TEKT5: variants seen among roughly 807,000 people sequenced by gnomAD.
The protein encoded by TEKT5 is tektin-5.
A neutral mutation model predicts 48.7 loss-of-function variants in TEKT5; 52 were observed. The observed-to-expected ratio is 1.07, with a 90% CI of 0.86 to 1.35. The LOEUF (loss-of-function observed/expected upper bound fraction) is 1.35, where lower values mean the gene tolerates loss of function less well. Ranked by LOEUF, TEKT5 falls within the 40% of genes most tolerant of loss-of-function variation. TEKT5 has a pLI of 0.00. For missense variants in TEKT5, 831 were observed against 641.6 expected (o/e 1.30, Z -3.19); for synonymous variants, 318 against 267.6 (o/e 1.19, Z -1.84).
chr16:10,636,449 T>C (rs1475018663), intron 5 of TEKT5, among the ~76,000 whole-genome samples: 1 of 151,670 alleles, frequency 6.6e-6, no homozygotes, highest in Non-Finnish European at 1.5e-5. Context: ...ACTGTGGACA[T>C]GGAAGACGGG....
intron 5 of TEKT5, among the ~76,000 whole-genome samples, chr16:10,649,473 AC>A (rs1161331589): frequency 1.4e-5 from 2 of 147,046 alleles, no homozygotes; most frequent in African/African-American, 5.0e-5. Context: ...GTTCTCTGTC[AC>A]CCAGGCTGGA....
chr16:10,650,883 T>TA (rs546133425), intron 5 of TEKT5, among the ~76,000 whole-genome samples: 36,727 of 130,542 alleles, frequency 0.28, 5,316 homozygotes, highest in East Asian at 0.5. Context: ...AGACTCCATC[T>TA]AAAAAAAAAA....
intron 5 of TEKT5, among the ~76,000 whole-genome samples, chr16:10,661,281 A>C (rs1898366116): frequency 6.6e-6 from 1 of 152,130 alleles, no homozygotes; most frequent in South Asian, 2.1e-4. Context: ...CATCTCATGT[A>C]AGTCTGCTGC....
rs200908743 is a variant in TEKT5 at position 10,682,025 on chromosome 16, G to C, written c.831C>G (p.Ser277Arg). 1.2e-6 allele frequency: 2 copies of C among 1,614,044 alleles called. No individual in the cohort carries two copies. Among genetic ancestry groups the C allele is most frequent in the Admixed American group, 3.3e-5 (2 of 60,008 alleles). ...FNLRNTSDCISFFHGMEKIDG... is the reference protein window; with the variant it reads ...FNLRNTSDCIRFFHGMEKIDG... ...CAATTTTCTCCATGCCGTGGAAGAA[G>C]CTGATGCAGTCTGACGTATTTCTCA... The change falls in exon 4 of 7, where the codon AGC becomes AGG. Residue 277 changes from serine to arginine, a missense_variant. Transcript: ENST00000283025.
At position 10,635,774 on chromosome 16, in the gene TEKT5, G is replaced by A; in HGVS notation, c.1231C>T (p.Pro411Ser). 3.1e-6 allele frequency: 5 copies of A among 1,612,298 alleles called. No individual in the cohort carries two copies. The highest frequency in any genetic ancestry group is 3.4e-6 in the Non-Finnish European group (4 of 1,178,724). The change falls in exon 6 of 7, where the codon CCG becomes TCG. Residue 411 changes from proline to serine, a missense_variant. Physicochemically the swap from Pro to Ser is moderately conservative, Grantham distance 74. Transcript: ENST00000283025. ...RPNMELCRDI[P>S]QLKLVNEVFT... ...GCCTCCCTCACTTACTTCAACTGCG[G>A]GATGTCCCTGCACAGCTCCATGTTG... is the stretch of plus-strand genomic sequence containing the variant.
At chr16:10,658,469 T>A (rs1373240863) in intron 5 of TEKT5, among the ~76,000 whole-genome samples, 4 of 152,136 alleles carry the variant, frequency 2.6e-5, no homozygotes, top group Non-Finnish European at 4.4e-5. Context: ...AATACTATAT[T>A]GAGTAGAAGC....
In TEKT5 at chr16:10,627,721, C is replaced by A. The variant is rs1897773492; in HGVS notation, c.1320G>T (p.Leu440=). ...KLRLRETQDT[L]QLLVMTKCRL... ...GGCACTTGGTCATGACCAGCAGCTG[C>A]AGCGTGTCCTGTGTCTCCCGCAGCC... The change falls in exon 7 of 7, where the codon CTG becomes CTT. Residue 440 remains leucine, a synonymous_variant. Transcript: ENST00000283025. The A allele has an allele frequency of 1.9e-6, 3 of 1,614,180 alleles. No homozygotes were observed. In the African/African-American group the frequency reaches 4.0e-5, roughly 22 times the overall value.
chr16:10,658,820 C>T (rs527734410), intron 5 of TEKT5, among the ~76,000 whole-genome samples: 2 of 152,030 alleles, frequency 1.3e-5, no homozygotes, highest in Non-Finnish European at 2.9e-5. Flanking sequence ...TGGGTTCAAG[C>T]AATTCTCGTA....
intron 3 of TEKT5, among the ~76,000 whole-genome samples, chr16:10,685,720 A>C: frequency 1.4e-5 from 2 of 148,120 alleles, no homozygotes; most frequent in African/African-American, 2.5e-5. Context: ...CTGTCTCCCT[A>C]CTCCCCACCC....
At chr16:10,638,430 C>T (rs1178085947) in intron 5 of TEKT5, among the ~76,000 whole-genome samples, 2 of 151,244 alleles carry the variant, frequency 1.3e-5, no homozygotes, top group Non-Finnish European at 2.9e-5. Flanking sequence ...CTTGACACCC[C>T]TTCCCAGACT....
intron 5 of TEKT5, among the ~76,000 whole-genome samples, chr16:10,661,813 C>T (rs998463841): frequency 2.6e-5 from 4 of 152,120 alleles, no homozygotes; most frequent in Non-Finnish European, 1.5e-5. Context: ...ATCACCAAAC[C>T]TCTGTGAGCC....
chr16:10,692,662 G>A (rs905173733), intron 1 of TEKT5: 3 of 152,306 alleles, frequency 2.0e-5, no homozygotes, highest in Non-Finnish European at 4.4e-5. Flanking sequence ...GGAGACACAC[G>A]ACGGACCTTC....
intron 5 of TEKT5, among the ~76,000 whole-genome samples, chr16:10,656,759 G>C (rs1159879027): frequency 6.6e-6 from 1 of 152,116 alleles, no homozygotes; most frequent in Non-Finnish European, 1.5e-5. Flanking sequence ...TTTTGTTTTT[G>C]AAACAGGGTC....
In TEKT5 at chr16:10,642,833, G is replaced by A. The variant is rs572233552; in HGVS notation, c.1087-6915C>T. Reference sequence around the variant, plus strand: ...AACAGAGGATACTACAGGCTGGGAAGGGGAAGGGAAAGGGTGGGGGATAGA... The same window carrying A: ...AACAGAGGATACTACAGGCTGGGAAAGGGAAGGGAAAGGGTGGGGGATAGA... On this transcript the variant is annotated intron_variant, in intron 5 of 6. Transcript: ENST00000283025. Among the ~76,000 whole-genome samples the A allele has an allele frequency of 9.2e-5, 14 of 152,262 alleles. No individual in the cohort carries two copies. The South Asian group carries it at 1.9e-3, about 20-fold the overall frequency.
chr16:10,669,113 C>T (rs1379615623), intron 5 of TEKT5, among the ~76,000 whole-genome samples: 1 of 152,140 alleles, frequency 6.6e-6, no homozygotes, highest in African/African-American at 2.4e-5. Flanking sequence ...AATATGTGTA[C>T]ATGAGTGTTC....
Position 10,668,965 on chromosome 16 carries a change from A to G in TEKT5, c.1086+6994T>C, listed in dbSNP as rs1003999224. Among the ~76,000 whole-genome samples, 8 of 152,312 alleles carry G rather than the reference A, an allele frequency of 5.3e-5. No homozygotes were observed. In the East Asian group the frequency reaches 1.2e-3, roughly 22 times the overall value. On this transcript the variant is annotated intron_variant, in intron 5 of 6. Coordinates refer to ENST00000283025, the MANE Select transcript of TEKT5 (RefSeq NM_144674.2). Reference sequence around the variant, plus strand: ...GGCAGCAGCCACTCAACCCTTACCCACTGTTCCCCTGTAGAAACATGAGCT... The same window carrying G: ...GGCAGCAGCCACTCAACCCTTACCCGCTGTTCCCCTGTAGAAACATGAGCT...
intron 5 of TEKT5, among the ~76,000 whole-genome samples, chr16:10,656,794 G>A (rs1258369306): frequency 3.9e-5 from 6 of 152,168 alleles, no homozygotes; most frequent in South Asian, 4.1e-4. Flanking sequence ...AGGCTGGAGG[G>A]CAATGGTGCA....
chr16:10,660,345 A>G (rs1898344733), intron 5 of TEKT5, among the ~76,000 whole-genome samples: 1 of 152,056 alleles, frequency 6.6e-6, no homozygotes, highest in South Asian at 2.1e-4. Context: ...CCTTTGGCTG[A>G]CCAAAGGGTT....
intron 5 of TEKT5, among the ~76,000 whole-genome samples, chr16:10,645,190 T>C (rs1009596411): frequency 2.6e-5 from 4 of 152,178 alleles, no homozygotes; most frequent in African/African-American, 9.7e-5. Flanking sequence ...CCCCCAGTTA[T>C]TGCATGAGAC....
Sources: allele counts gnomAD v4.1 joint callset (sites outside exome capture counted in the v4.1 genomes callset), GRCh38; gene constraint gnomAD v4.1.1; transcripts MANE v1.5; gene names NCBI Gene and HGNC (gene_info 2026-07-23, HGNC 2026-07-21).